Variants in REDIC1 observed in about 807,000 individuals in gnomAD.
REDIC1 encodes regulator of DNA class I crossover intermediates 1.
chr12:39,811,186 G>A, the REDIC1 span, among the ~76,000 whole-genome samples: 2 of 151,994 alleles, frequency 1.3e-5, no homozygotes, highest in Non-Finnish European at 2.9e-5. Flanking sequence ...ATAATAGAAA[G>A]TTGGGTCTCC....
the REDIC1 span, among the ~76,000 whole-genome samples, chr12:39,754,745 C>A: frequency 4.6e-5 from 7 of 152,032 alleles, no homozygotes; most frequent in Non-Finnish European, 8.8e-5. Flanking sequence ...CTGGTTCTGA[C>A]AATAACTATA....
chr12:39,836,076 A>C, the REDIC1 span, among the ~76,000 whole-genome samples: 1 of 152,138 alleles, frequency 6.6e-6, no homozygotes, highest in African/African-American at 2.4e-5. Flanking sequence ...GAAAAGCCAG[A>C]GAAAGAAAGA....
the REDIC1 span, among the ~76,000 whole-genome samples, chr12:39,783,117 G>A: frequency 6.6e-5 from 10 of 151,998 alleles, no homozygotes; most frequent in Admixed American, 1.3e-4. Flanking sequence ...GAGAACATGC[G>A]GTGTTTGGTT....
the REDIC1 span, among the ~76,000 whole-genome samples, chr12:39,860,588 T>C: frequency 1.3e-5 from 2 of 152,338 alleles, no homozygotes; most frequent in Admixed American, 6.5e-5. Flanking sequence ...ATGTCCAAAA[T>C]TGCACGCATG....
chr12:39,864,743 G>T, the REDIC1 span: 47 of 1,611,140 alleles, frequency 2.9e-5, no homozygotes, highest in Non-Finnish European at 3.9e-5. Flanking sequence ...AAAGGAAGAA[G>T]AACATAATGG....
the REDIC1 span, among the ~76,000 whole-genome samples, chr12:39,670,865 T>C: frequency 6.6e-6 from 1 of 152,130 alleles, no homozygotes; most frequent in Admixed American, 6.5e-5. Context: ...TTTCATTCAT[T>C]GACTTTTTCA....
chr12:39,752,852 T>C, the REDIC1 span, among the ~76,000 whole-genome samples: 2 of 149,356 alleles, frequency 1.3e-5, no homozygotes, highest in Admixed American at 6.6e-5. Flanking sequence ...ACATGTCAGA[T>C]TCCTTTTTAA....
chr12:39,771,202 G>A, the REDIC1 span, among the ~76,000 whole-genome samples: 1 of 152,158 alleles, frequency 6.6e-6, no homozygotes, highest in East Asian at 1.9e-4. Context: ...TAACCCTGAT[G>A]GTTCCTATTT....
At chr12:39,691,860 C>T in the REDIC1 span, among the ~76,000 whole-genome samples, 20 of 151,800 alleles carry the variant, frequency 1.3e-4, no homozygotes, top group Non-Finnish European at 2.1e-4. Flanking sequence ...TGTTTTTTAA[C>T]GAATTTAAAT....
chr12:39,812,934 A>T, the REDIC1 span, among the ~76,000 whole-genome samples: 1 of 134,462 alleles, frequency 7.4e-6, no homozygotes, highest in East Asian at 2.3e-4. Flanking sequence ...GGTTCAAGTG[A>T]TTCTCCTGCC....
the REDIC1 span, chr12:39,745,743 A>T: frequency 6.6e-6 from 1 of 152,236 alleles, no homozygotes; most frequent in African/African-American, 2.4e-5. Context: ...CATATCCTGT[A>T]CAGATTTGCT....
the REDIC1 span, among the ~76,000 whole-genome samples, chr12:39,763,452 T>G: frequency 6.6e-6 from 1 of 152,190 alleles, no homozygotes; most frequent in East Asian, 1.9e-4. Context: ...GACAAACACT[T>G]TTTGGTGCTT....
the REDIC1 span, among the ~76,000 whole-genome samples, chr12:39,778,132 C>G: frequency 9.9e-5 from 15 of 152,138 alleles, no homozygotes; most frequent in African/African-American, 3.6e-4. Flanking sequence ...GTGAGCCACA[C>G]CCCCATCACA....
the REDIC1 span, among the ~76,000 whole-genome samples, chr12:39,775,153 A>G: frequency 6.6e-6 from 1 of 152,218 alleles, no homozygotes. Context: ...AGAGAATTAG[A>G]AACCATAAAA....
At chr12:39,728,603 T>A in the REDIC1 span, among the ~76,000 whole-genome samples, 1 of 152,106 alleles carries the variant, frequency 6.6e-6, no homozygotes, top group African/African-American at 2.4e-5. Context: ...TGGCCTGAAA[T>A]TTTGTTTTTT....
the REDIC1 span, among the ~76,000 whole-genome samples, chr12:39,705,485 C>A: frequency 3.9e-5 from 6 of 151,990 alleles, no homozygotes; most frequent in Admixed American, 3.3e-4. Flanking sequence ...TAACCTGATA[C>A]CAAAACCAGA....
At chr12:39,904,200 T>C in the REDIC1 span, among the ~76,000 whole-genome samples, 7 of 152,086 alleles carry the variant, frequency 4.6e-5, no homozygotes, top group Admixed American at 3.3e-4. Context: ...GAAATGTTGT[T>C]TACCAGGGAA....
At chr12:39,863,696 G>C in the REDIC1 span, among the ~76,000 whole-genome samples, 2 of 152,060 alleles carry the variant, frequency 1.3e-5, no homozygotes, top group African/African-American at 4.8e-5. Flanking sequence ...GACTATGAAA[G>C]TCAGTGAGCC....
the REDIC1 span, among the ~76,000 whole-genome samples, chr12:39,712,994 CGTGTATATGTATATATACATGTGTATATA>C: frequency 1.5e-5 from 2 of 134,150 alleles, no homozygotes; most frequent in Admixed American, 7.4e-5. Flanking sequence ...TGTGTATATA[CGTGTATATGTATATATACATGTGTATATA>C]CGTGTATATG....
Sources: allele counts gnomAD v4.1 joint callset (sites outside exome capture counted in the v4.1 genomes callset), GRCh38; gene constraint gnomAD v4.1.1; transcripts MANE v1.5; gene names NCBI Gene and HGNC (gene_info 2026-07-23, HGNC 2026-07-21).